The following LAMB3 variants were observed in gnomAD, a reference collection of about 807,000 sequenced individuals.
The protein encoded by LAMB3 is laminin subunit beta 3.
Under a neutral mutation model 140.3 loss-of-function variants are expected in LAMB3, and 104 were observed. That is an observed-to-expected ratio of 0.74 (90% confidence interval 0.63 to 0.87). The LOEUF (loss-of-function observed/expected upper bound fraction) is 0.87, where lower values mean the gene tolerates loss of function less well. Ranked by LOEUF, LAMB3 falls within the 40% of genes least tolerant of loss-of-function variation. The pLI is 0.00. For synonymous variants in LAMB3, 592 were observed against 602.9 expected, an observed-to-expected ratio of 0.98 and a Z score of 0.26; for missense variants, 1,531 against 1,575.2, an observed-to-expected ratio of 0.97 and a Z score of 0.47.
rs968053259 is a variant in LAMB3, at chr1:209,623,563, A to G, written c.2300T>C (p.Leu767Pro). 6.2e-7 allele frequency: 1 copy of G among 1,614,032 alleles called. No homozygotes were observed. The highest frequency in any genetic ancestry group is 1.3e-5 in the African/African-American group (1 of 74,920). ...AGACATCTCCAGCCTCAGGGCCACAAGCTTGGGGCTGCCGGTGCCTCCTCC... is the reference window on the plus strand; with the variant it reads ...AGACATCTCCAGCCTCAGGGCCACAGGCTTGGGGCTGCCGGTGCCTCCTCC... ...GGGGGTGSPK[L>P]VALRLEMSSL... The change falls in exon 16 of 23, where the codon CTT becomes CCT. Residue 767 changes from leucine (L) to proline (P), a missense_variant. Leu to Pro is a moderately conservative substitution (Grantham distance 98). Transcript: ENST00000356082. This position sits in a 1 kb window ranked among gnomAD's most constrained non-coding sequence, Gnocchi z 4.2.
intron 3 of LAMB3, among the ~76,000 whole-genome samples, chr1:209,639,958 A>C (rs115667059): frequency 0.037 from 5,613 of 152,250 alleles, 303 homozygotes; most frequent in African/African-American, 0.12. Context: ...GTCTGAGTGG[A>C]TATATGGGGC....
chr1:209,631,746 A>G (rs913282619), intron 8 of LAMB3, among the ~76,000 whole-genome samples: 2 of 152,160 alleles, frequency 1.3e-5, no homozygotes, highest in African/African-American at 4.8e-5. Context: ...AGTATGTCTC[A>G]TGGGCCCTGA....
intron 22 of LAMB3, 94 bp downstream of exon 22, chr1:209,616,377 A>G: frequency 7.1e-7 from 1 of 1,403,662 alleles, no homozygotes; most frequent in Non-Finnish European, 1.0e-6. Context: ...TAGCACGGCT[A>G]GCTCCAATAA....
Position 209,616,327 on chromosome 1 carries a change from G to C in LAMB3, c.3382+144C>G. On this transcript the variant is annotated intron_variant, in intron 22 of 22. Transcript: ENST00000356082. ...CTCTGCATTCCCCAGCCTCATACATGCTAGATGCCCAGAAAAAATCTCATT... is the reference window on the plus strand; with the variant it reads ...CTCTGCATTCCCCAGCCTCATACATCCTAGATGCCCAGAAAAAATCTCATT... 3.2e-6 allele frequency: 3 copies of C among 941,878 alleles called. No individual in the cohort carries two copies. In the East Asian group the frequency reaches 7.2e-5, roughly 22 times the overall value. The allele number at this position is 941,878 out of a possible 1,614,324, so 58.3% of individuals were successfully genotyped here. A position where few individuals can be genotyped will look rare whatever the true frequency, so the allele number is the denominator to read the frequency against.
At chr1:209,631,929 A>G (rs1029627712) in intron 8 of LAMB3, among the ~76,000 whole-genome samples, 2 of 152,160 alleles carry the variant, frequency 1.3e-5, no homozygotes, top group Non-Finnish European at 2.9e-5. Flanking sequence ...GACAGCTGTC[A>G]CGCTCCCATG....
In LAMB3 at chr1:209,615,143, G is replaced by T; in HGVS notation, c.*128C>A. ...GGTAATCTTACTAGCTACACACCAG[G>T]GGTGGTCCAGGCTGTACTTTAGGCT... On this transcript the variant is annotated 3_prime_UTR_variant, in exon 23 of 23. Coordinates refer to ENST00000356082, the MANE Select transcript of LAMB3 (RefSeq NM_000228.3). 8.6e-7 allele frequency: 1 copy of T among 1,165,944 alleles called. No homozygotes were observed. The highest frequency in any genetic ancestry group is 1.2e-6 in the Non-Finnish European group (1 of 800,402). The allele number at this position is 1,165,944 out of a possible 1,614,324, so 72.2% of individuals were successfully genotyped here.
In LAMB3 at chr1:209,617,296, C is replaced by T. The variant is rs921499647; in HGVS notation, c.3228+114G>A. On this transcript the variant is annotated intron_variant, in intron 21 of 22. Coordinates refer to ENST00000356082, the MANE Select transcript of LAMB3 (RefSeq NM_000228.3). ...GTTGACTCTCAAGCCTCTTCTGGTT[C>T]TGTTATTCTAAGCACTTTTGAGTTT... The T allele has an allele frequency of 7.5e-6, 9 of 1,194,606 alleles. No homozygotes were observed. The Admixed American group carries it at 1.0e-4, about 14-fold the overall frequency. 74.0% of individuals were successfully genotyped at this position (1,194,606 alleles called of 1,614,324 possible). A position where few individuals can be genotyped will look rare whatever the true frequency, so the allele number is the denominator to read the frequency against.
intron 3 of LAMB3, among the ~76,000 whole-genome samples, chr1:209,648,169 G>A (rs908385650): frequency 1.1e-4 from 17 of 152,154 alleles, no homozygotes; most frequent in African/African-American, 3.6e-4. Context: ...AAACAAGACA[G>A]AGAGGTGGAA....
rs758121496 is a variant in LAMB3, at chr1:209,618,417, C to T, written c.2909+35G>A. 6.2e-6 allele frequency: 10 copies of T among 1,605,662 alleles called. No homozygotes were observed. In the East Asian group the frequency reaches 1.1e-4, roughly 18 times the overall value. Reference sequence around the variant, plus strand: ...TGAGGAGCAAAACGCCAGCTTAATCCTGGGCAGAGAGAAGTTCAGGGCCCA... The same window carrying T: ...TGAGGAGCAAAACGCCAGCTTAATCTTGGGCAGAGAGAAGTTCAGGGCCCA... On this transcript the variant is annotated intron_variant, in intron 19 of 22. Coordinates refer to ENST00000356082, the MANE Select transcript of LAMB3 (RefSeq NM_000228.3).
intron 17 of LAMB3, 31 bp downstream of exon 17, chr1:209,622,951 C>T (rs1440513815): frequency 6.2e-7 from 1 of 1,609,990 alleles, no homozygotes; most frequent in Non-Finnish European, 8.5e-7. Context: ...CCTCCTCCTA[C>T]CTGTGCCCAC....
chr1:209,644,305 T>C (rs900912821), intron 3 of LAMB3, among the ~76,000 whole-genome samples: 37 of 152,194 alleles, frequency 2.4e-4, no homozygotes, highest in African/African-American at 8.2e-4. Context: ...GTTATTTCCA[T>C]CCTAACTAAA....
chr1:209,616,634 G>A lies in LAMB3; in HGVS notation c.3229-10C>T. 6 of 1,613,962 alleles carry A rather than the reference G, an allele frequency of 3.7e-6. No homozygotes were observed. The highest frequency in any genetic ancestry group is 5.1e-6 in the Non-Finnish European group (6 of 1,179,856). On this transcript the variant is annotated splice_polypyrimidine_tract_variant and intron_variant, in intron 21 of 22. Transcript: ENST00000356082. ...TTATTCTCTCAAATCCCTGAAAAAGGTAGAATAGTCTCAGTGTCATTGTCA... is the reference window on the plus strand; with the variant it reads ...TTATTCTCTCAAATCCCTGAAAAAGATAGAATAGTCTCAGTGTCATTGTCA...
chr1:209,622,492 C>T (rs371044966), intron 18 of LAMB3, 44 bp downstream of exon 18: 3 of 1,610,914 alleles, frequency 1.9e-6, no homozygotes, highest in Admixed American at 3.3e-5. Context: ...GCGGGACAGG[C>T]AGGACTGGAA....
rs1232586341 is a variant in LAMB3, at chr1:209,622,209, C to T, written c.2701+327G>A. 2.0e-5 allele frequency among the ~76,000 whole-genome samples: 3 copies of T among 152,186 alleles called. 1 individual carries two copies. Among genetic ancestry groups the T allele is most frequent in the Admixed American group, 1.3e-4 (2 of 15,284 alleles). ...GGACAGAGGCCAGGCTCTGTAGCCACGATGGGAGTTGAGAGCTCATTCCAA... is the reference window on the plus strand; with the variant it reads ...GGACAGAGGCCAGGCTCTGTAGCCATGATGGGAGTTGAGAGCTCATTCCAA... On this transcript the variant is annotated intron_variant, in intron 18 of 22. Coordinates refer to ENST00000356082, the MANE Select transcript of LAMB3 (RefSeq NM_000228.3).
At chr1:209,650,881 A>G (rs531271725) in intron 2 of LAMB3, 36 bp downstream of exon 2, 2 of 1,609,744 alleles carry the variant, frequency 1.2e-6, no homozygotes, top group South Asian at 1.1e-5. Context: ...TCCCTGCCAT[A>G]TAACAGGGCC....
intron 9 of LAMB3, 106 bp downstream of exon 9, chr1:209,630,509 A>C (rs763425481): frequency 1.6e-6 from 2 of 1,275,412 alleles, no homozygotes; most frequent in East Asian, 2.3e-5. Flanking sequence ...TTAGATTTAC[A>C]TAAGAAAGAC....
intron 3 of LAMB3, among the ~76,000 whole-genome samples, chr1:209,639,637 ACACACG>A (rs1159463535): frequency 3.7e-5 from 3 of 81,860 alleles, no homozygotes; most frequent in South Asian, 4.1e-4. Flanking sequence ...ACACACACAC[ACACACG>A]CACACGCGTG....
chr1:209,627,713 C>T (rs2072939), intron 11 of LAMB3, 134 bp from the exon 12 acceptor site: 37,869 of 859,320 alleles, frequency 0.044, 2,626 homozygotes, highest in East Asian at 0.31. Context: ...ACATGGCTGA[C>T]TCACAGGACC....
Position 209,634,590 on chromosome 1 carries a change from T to C in LAMB3, c.421A>G (p.Lys141Glu). 6.2e-7 allele frequency: 1 copy of C among 1,614,084 alleles called. No individual in the cohort carries two copies. The highest frequency in any genetic ancestry group is 8.5e-7 in the Non-Finnish European group (1 of 1,180,004). Residue 141 changes from lysine to glutamate, a missense_variant, in exon 6 of 23, where the codon AAG becomes GAG. Physicochemically the swap from Lys to Glu is moderately conservative, Grantham distance 56. Coordinates refer to ENST00000356082, the MANE Select transcript of LAMB3 (RefSeq NM_000228.3). ...MLIERSSDFG[K>E]TWRVYQYLAA... ...AGGTACTGGTACACTCGCCAGGTCT[T>C]ACCGAAGTCTGAGGAGCGCTCAATC...
Sources: allele counts gnomAD v4.1 joint callset (sites outside exome capture counted in the v4.1 genomes callset), GRCh38; gene constraint gnomAD v4.1.1; non-coding constraint Gnocchi (gnomAD v3.1); transcripts MANE v1.5; gene names NCBI Gene and HGNC (gene_info 2026-07-23, HGNC 2026-07-21).